The following TCF7 variants were observed in gnomAD, a reference collection of about 807,000 sequenced individuals.
The protein encoded by TCF7 is transcription factor 7, also known as T-cell-factor-7.
TCF7 carries 19 observed loss-of-function variants against 46.8 expected under a neutral mutation model. The ratio of observed to expected loss-of-function variants is 0.41; its 90% CI spans 0.28 to 0.60. The LOEUF (loss-of-function observed/expected upper bound fraction) is 0.60, where lower values mean the gene tolerates loss of function less well. TCF7 is among the 20% of genes least tolerant of loss of function. The pLI, the probability that TCF7 is intolerant of heterozygous loss-of-function variation, is 0.35. For synonymous variants in TCF7, 245 were observed against 213.4 expected, an observed-to-expected ratio of 1.15 and a Z score of -1.29; for missense variants, 547 against 504.6, an observed-to-expected ratio of 1.08 and a Z score of -0.81.
upstream of TCF7, among the ~76,000 whole-genome samples, chr5:134,113,941 C>G (rs36203383): frequency 0.019 from 2,875 of 152,282 alleles, 96 homozygotes; most frequent in African/African-American, 0.065. Context: ...CTCCGGGCTG[C>G]AGGTTCTAGT....
chr5:134,145,615 G>T, intron 9 of TCF7: 1 of 961,342 alleles, frequency 1.0e-6, no homozygotes, highest in African/African-American at 1.6e-5. Flanking sequence ...GCCTCTCAGT[G>T]TACCCACCAC....
intron 6 of TCF7, 44 bp downstream of exon 6, chr5:134,142,348 T>TACAC (rs1255296895): frequency 6.7e-7 from 1 of 1,496,078 alleles, no homozygotes; most frequent in Admixed American, 1.9e-5. Flanking sequence ...TCAGTCAGGA[T>TACAC]ACACATGCCT....
chr5:134,130,669 T>C (rs1347575632), intron 3 of TCF7, among the ~76,000 whole-genome samples: 3 of 152,020 alleles, frequency 2.0e-5, no homozygotes, highest in African/African-American at 7.2e-5. Context: ...GGCCAAAGGG[T>C]CTTAGGTACC....
At chr5:134,142,047 T>C in intron 5 of TCF7, 138 bp from the exon 6 acceptor site, 1 of 1,221,984 alleles carries the variant, frequency 8.2e-7, no homozygotes, top group Non-Finnish European at 1.1e-6. Context: ...TCTGTGTACT[T>C]ATGTCTAGGC....
chr5:134,109,002 T>C, the TCF7 span, among the ~76,000 whole-genome samples: 1 of 152,202 alleles, frequency 6.6e-6, no homozygotes, highest in South Asian at 2.1e-4. Flanking sequence ...CCAGGAGGGT[T>C]TCTGAACCCC....
chr5:134,146,435 C>CCA lies in TCF7; in HGVS notation c.*133_*134dup. On this transcript the variant is annotated 3_prime_UTR_variant, in exon 10 of 10. Transcript: ENST00000342854. The stretch of plus-strand genomic sequence containing the variant: ...AGGTCTCTCCACTGCTCTCAGCCTC[C>CCA]CAACCCCAGGGCCCCCACAGGCCCC... The CCA allele has an allele frequency of 8.8e-7, 1 of 1,137,882 alleles. No individual in the cohort carries two copies. Among genetic ancestry groups the CCA allele is most frequent in the East Asian group, 2.4e-5 (1 of 41,716 alleles). 70.5% of individuals were successfully genotyped at this position (1,137,882 alleles called of 1,614,324 possible). A position where few individuals can be genotyped will look rare whatever the true frequency, so the allele number is the denominator to read the frequency against.
upstream of TCF7, among the ~76,000 whole-genome samples, chr5:134,112,802 C>G (rs1015687153): frequency 1.3e-5 from 2 of 152,128 alleles, no homozygotes; most frequent in African/African-American, 4.8e-5. Context: ...CAAAACAAAA[C>G]AAAAAGAACC....
chr5:134,129,604 G>A (rs1308599436), intron 3 of TCF7, among the ~76,000 whole-genome samples: 3 of 152,230 alleles, frequency 2.0e-5, no homozygotes, highest in Admixed American at 2.0e-4. Flanking sequence ...CTGTCCTGAG[G>A]GGCGTTCACC....
intron 3 of TCF7, among the ~76,000 whole-genome samples, chr5:134,122,084 T>C (rs1678449458): frequency 6.6e-6 from 1 of 152,170 alleles, no homozygotes; most frequent in African/African-American, 2.4e-5. Context: ...GCAGCCTCTT[T>C]TCTGCTGCTT....
At chr5:134,143,332 C>T in intron 8 of TCF7, 1 of 770,416 alleles carries the variant, frequency 1.3e-6, no homozygotes, top group Non-Finnish European at 2.3e-6. Flanking sequence ...TTTGATTGGG[C>T]CACATGGGCA....
At chr5:134,114,471 G>A (rs958810846), upstream of TCF7, among the ~76,000 whole-genome samples, 32 of 152,168 alleles carry the variant, frequency 2.1e-4, no homozygotes, top group Non-Finnish European at 2.5e-4. Context: ...GCGGGGTCAG[G>A]AGTTCCCGTT....
chr5:134,126,636 C>T (rs1051010183), intron 3 of TCF7, among the ~76,000 whole-genome samples: 4 of 152,228 alleles, frequency 2.6e-5, no homozygotes, highest in African/African-American at 7.2e-5. Flanking sequence ...CAGTGCCTCA[C>T]GCCTGTAATC....
Position 134,142,250 on chromosome 5 carries a change from C to A in TCF7, c.701C>A (p.Pro234Gln). 3 of 1,610,258 alleles carry A rather than the reference C, an allele frequency of 1.9e-6. No individual in the cohort carries two copies. Among genetic ancestry groups the A allele is most frequent in the Non-Finnish European group, 2.5e-6 (3 of 1,177,116 alleles). ...GGTCACCCAGCAGCCATCCCCCACC[C>A]GGCCATTGTGCCCCCCTCAGGGAAG... ...VPGHPAAIPH[P>Q]AIVPPSGKQE... The change falls in exon 6 of 10, where the codon CCG (proline) becomes CAG (glutamine). Residue 234 changes from proline to glutamine, a missense_variant. Pro to Gln is a moderately conservative substitution (Grantham distance 76). Transcript: ENST00000342854.
chr5:134,146,640 G>T lies in TCF7; in HGVS notation c.*337G>T. On this transcript the variant is annotated 3_prime_UTR_variant, in exon 10 of 10. Coordinates refer to ENST00000342854, the MANE Select transcript of TCF7 (RefSeq NM_003202.5). ...GTCATCTCAGGGTCCAGACCCTGAA[G>T]ATTTCAGAGGCTGCAGGACTTCTGC... The T allele has an allele frequency of 1.5e-6, 1 of 662,532 alleles. No homozygotes were observed. 41.0% of individuals were successfully genotyped at this position (662,532 alleles called of 1,614,324 possible). A position where few individuals can be genotyped will look rare whatever the true frequency, so the allele number is the denominator to read the frequency against.
intron 3 of TCF7, among the ~76,000 whole-genome samples, chr5:134,119,596 G>T (rs989397175): frequency 6.6e-6 from 1 of 152,248 alleles, no homozygotes; most frequent in Non-Finnish European, 1.5e-5. Flanking sequence ...GGTGCCTGGG[G>T]ATGCCCCAAG....
rs373409914 is a variant in TCF7, at chr5:134,138,145, G to A, written c.528G>A (p.Ala176=). ...GCCCACATCCCACCCCTGCACCTGCGGACATCAGCCAGAAGCAAGGTACAA... is the reference window on the plus strand; with the variant it reads ...GCCCACATCCCACCCCTGCACCTGCAGACATCAGCCAGAAGCAAGGTACAA... ...FNSPHPTPAP[A]DISQKQVHRP... Residue 176 remains alanine (A), a synonymous_variant, in exon 4 of 10, where the codon GCG becomes GCA. Coordinates refer to ENST00000342854, the MANE Select transcript of TCF7 (RefSeq NM_003202.5). 5.8e-4 allele frequency: 940 copies of A among 1,613,272 alleles called. 1 individual carries two copies. The highest frequency in any genetic ancestry group is 7.5e-4 in the Non-Finnish European group (889 of 1,179,710).
At chr5:134,145,207 T>G in intron 9 of TCF7, 1 of 577,340 alleles carries the variant, frequency 1.7e-6, no homozygotes, top group Non-Finnish European at 3.3e-6. Flanking sequence ...GAGCCCATTC[T>G]ACCAGGCCTC....
chr5:134,138,937 TCTCTC>T lies in TCF7; in HGVS notation c.548-9_548-5del. ...GTCAGGCTAGCCCACTCACTCAGCT[TCTCTC>T]CTCTGCAGTTCACAGGCCTCTGCAG... On this transcript the variant is annotated splice_polypyrimidine_tract_variant and intron_variant, in intron 4 of 9. Coordinates refer to ENST00000342854, the MANE Select transcript of TCF7 (RefSeq NM_003202.5). 1.2e-6 allele frequency: 2 copies of T among 1,613,588 alleles called. No individual in the cohort carries two copies. Among genetic ancestry groups the T allele is most frequent in the South Asian group, 1.1e-5 (1 of 91,074 alleles).
rs1268320566 is a variant in TCF7 at position 134,146,595 on chromosome 5, T to C, written c.*292T>C. 12 of 690,202 alleles carry C rather than the reference T, an allele frequency of 1.7e-5. No homozygotes were observed. The highest frequency in any genetic ancestry group is 3.2e-5 in the Non-Finnish European group (12 of 378,628). The allele number at this position is 690,202 out of a possible 1,614,324, so 42.8% of individuals were successfully genotyped here. The stretch of plus-strand genomic sequence containing the variant: ...ACAGAGACCCAGATCTCATGGAAAC[T>C]GGCCAGGGGTCCTGTTAACGTCATC... On this transcript the variant is annotated 3_prime_UTR_variant, in exon 10 of 10. Coordinates refer to ENST00000342854, the MANE Select transcript of TCF7 (RefSeq NM_003202.5).
Sources: allele counts gnomAD v4.1 joint callset (sites outside exome capture counted in the v4.1 genomes callset), GRCh38; gene constraint gnomAD v4.1.1; transcripts MANE v1.5; gene names NCBI Gene and HGNC (gene_info 2026-07-23, HGNC 2026-07-21).